Variants in ZC3H12B observed in about 807,000 individuals in gnomAD.
ZC3H12B encodes probable ribonuclease ZC3H12B.
Under a neutral mutation model 43.9 loss-of-function variants are expected in ZC3H12B, and 7 were observed. The ratio of observed to expected loss-of-function variants is 0.16; its 90% CI spans 0.09 to 0.30. The LOEUF (loss-of-function observed/expected upper bound fraction) is 0.30, where lower values mean the gene tolerates loss of function less well. ZC3H12B is among the 10% of genes least tolerant of loss of function. The pLI, the probability that ZC3H12B is intolerant of heterozygous loss-of-function variation, is 1.00. For missense variants in ZC3H12B, 475 were observed against 670.2 expected, an observed-to-expected ratio of 0.71 and a Z score of 3.22; for synonymous variants, 222 against 241.7, an observed-to-expected ratio of 0.92 and a Z score of 0.76.
chrX:65,305,845 G>A, the ZC3H12B span, among the ~76,000 whole-genome samples: 1 of 111,381 alleles, frequency 9.0e-6, no homozygotes, highest in African/African-American at 3.3e-5. Context: ...AACTACATGA[G>A]TCATTTAACC....
At chrX:65,448,905 G>A (rs748095357) in intron 3 of ZC3H12B, among the ~76,000 whole-genome samples, 2 of 76,147 alleles carry the variant, frequency 2.6e-5, no homozygotes, top group South Asian at 6.9e-4. Flanking sequence ...AAGAGAGAGA[G>A]AAAGAGAGAA....
the ZC3H12B span, among the ~76,000 whole-genome samples, chrX:65,267,887 C>T: frequency 9.0e-6 from 1 of 110,859 alleles, no homozygotes; most frequent in Non-Finnish European, 1.9e-5. Flanking sequence ...ACAAACTAAA[C>T]CTAAAGTTAG....
chrX:65,413,008 C>G lies in ZC3H12B; in HGVS notation n.407+14304C>G, dbSNP rs1256483321. 3.6e-5 allele frequency among the ~76,000 whole-genome samples: 4 copies of G among 110,633 alleles called. No individual in the cohort carries two copies. In the South Asian group the frequency reaches 1.5e-3, roughly 42 times the overall value. ...TTCCTAGTGAGAGTGAAGTTGTACT[C>G]TATTGTGGTTATGATTTGCATTTCC... On this transcript the variant is annotated intron_variant and non_coding_transcript_variant, in intron 3 of 5. Coordinates refer to the ZC3H12B transcript ENST00000617377.
chrX:65,452,941 C>T (rs1429182708), intron 3 of ZC3H12B, among the ~76,000 whole-genome samples: 1 of 109,753 alleles, frequency 9.1e-6, no homozygotes, highest in African/African-American at 3.3e-5. Context: ...AAGCAATCTA[C>T]AAATTCAATG....
At chrX:65,060,412 G>A in the ZC3H12B span, among the ~76,000 whole-genome samples, 15 of 111,855 alleles carry the variant, frequency 1.3e-4, no homozygotes, top group South Asian at 3.7e-4. Context: ...AACATGAAAC[G>A]ATGTTGAATT....
chrX:65,432,128 T>G (rs2067168896), intron 3 of ZC3H12B, among the ~76,000 whole-genome samples: 1 of 111,852 alleles, frequency 8.9e-6, no homozygotes, highest in Non-Finnish European at 1.9e-5. Context: ...TTTATATAAC[T>G]TACTTATGCC....
At chrX:65,196,827 G>T in the ZC3H12B span, among the ~76,000 whole-genome samples, 1 of 111,455 alleles carries the variant, frequency 9.0e-6, no homozygotes, top group African/African-American at 3.3e-5. Context: ...GGTTTTACCG[G>T]AGCCTCCTCC....
At chrX:65,196,635 G>A in the ZC3H12B span, among the ~76,000 whole-genome samples, 3 of 111,194 alleles carry the variant, frequency 2.7e-5, no homozygotes, top group Admixed American at 2.9e-4. Flanking sequence ...ACAACATCAG[G>A]CACAAAGGCA....
chrX:65,185,655 C>A, the ZC3H12B span: 3 of 111,533 alleles, frequency 2.7e-5, no homozygotes, highest in Admixed American at 9.6e-5. Context: ...CAATATGATG[C>A]AGAAGATAAA....
At chrX:65,042,513 A>G in the ZC3H12B span, among the ~76,000 whole-genome samples, 3 of 112,840 alleles carry the variant, frequency 2.7e-5, no homozygotes, top group Admixed American at 2.8e-4. Context: ...ATAGCCCTGA[A>G]ACTCAGTTAA....
upstream of ZC3H12B, among the ~76,000 whole-genome samples, chrX:65,487,605 TTTA>T (rs1266490717): frequency 8.9e-6 from 1 of 112,259 alleles, no homozygotes; most frequent in East Asian, 2.8e-4. Flanking sequence ...TAATATTCTT[TTTA>T]TTATGTTCTG....
the ZC3H12B span, among the ~76,000 whole-genome samples, chrX:65,135,535 T>A: frequency 9.5e-6 from 1 of 104,744 alleles, no homozygotes; most frequent in Non-Finnish European, 1.9e-5. Flanking sequence ...TGGATATATT[T>A]GAGCTTATTT....
the ZC3H12B span, among the ~76,000 whole-genome samples, chrX:65,120,624 A>G: frequency 9.0e-6 from 1 of 110,955 alleles, no homozygotes; most frequent in African/African-American, 3.3e-5. Context: ...TTTTTTCCTA[A>G]TTGAATACCC....
chrX:65,181,636 C>T, the ZC3H12B span, among the ~76,000 whole-genome samples: 1 of 111,934 alleles, frequency 8.9e-6, no homozygotes, highest in African/African-American at 3.2e-5. Flanking sequence ...ATGCTGCCAA[C>T]AAACATATGA....
the ZC3H12B span, among the ~76,000 whole-genome samples, chrX:65,172,465 G>T: frequency 8.9e-6 from 1 of 112,211 alleles, no homozygotes; most frequent in African/African-American, 3.2e-5. Flanking sequence ...GGCATTTGTT[G>T]CAACTGCTTT....
the ZC3H12B span, among the ~76,000 whole-genome samples, chrX:65,234,318 A>G: frequency 8.9e-6 from 1 of 112,128 alleles, no homozygotes; most frequent in East Asian, 2.8e-4. Context: ...TTTCTTCATG[A>G]TAAAAACTCT....
the ZC3H12B span, among the ~76,000 whole-genome samples, chrX:65,202,502 G>T: frequency 9.1e-6 from 1 of 109,826 alleles, no homozygotes; most frequent in East Asian, 2.9e-4. Flanking sequence ...CAGCCTTGGT[G>T]GTCTTGGATA....
At chrX:65,197,283 C>T in the ZC3H12B span, among the ~76,000 whole-genome samples, 3 of 112,124 alleles carry the variant, frequency 2.7e-5, no homozygotes, top group African/African-American at 9.7e-5. Flanking sequence ...CTAAAGCAGC[C>T]GCCGCCCAGG....
chrX:65,457,367 G>A (rs75694767), intron 3 of ZC3H12B, among the ~76,000 whole-genome samples: 11 of 43,481 alleles, frequency 2.5e-4, no homozygotes, highest in African/African-American at 2.1e-3. Context: ...GGTGAGGGGC[G>A]CCTCTGCCCG....
Sources: gnomAD v4.1 joint callset for allele counts (sites outside exome capture counted in the v4.1 genomes callset) on GRCh38, gnomAD v4.1.1 for gene constraint, MANE v1.5 for transcripts, NCBI Gene and HGNC (gene_info 2026-07-23, HGNC 2026-07-21) for gene names.